Variants in GALNT10 observed in about 807,000 individuals in gnomAD.
GALNT10 encodes GalNAc transferase 10.
GALNT10 carries 41 observed loss-of-function variants against 75.0 expected under a neutral mutation model. That is an observed-to-expected ratio of 0.55 (90% confidence interval 0.43 to 0.71). The LOEUF (loss-of-function observed/expected upper bound fraction) is 0.71, where lower values mean the gene tolerates loss of function less well. Among genes scored for constraint, GALNT10 ranks in the 30% least tolerant of loss-of-function variants. GALNT10 has a pLI of 0.00. For missense variants in GALNT10, 727 were observed against 818.5 expected (o/e 0.89, Z 1.36); for synonymous variants, 302 against 313.0 (o/e 0.96, Z 0.37).
In GALNT10 at chr5:154,190,769, T is replaced by G. The variant is rs1035423800; in HGVS notation, c.-98T>G. The stretch of plus-strand genomic sequence containing the variant: ...GGGCCGGCGCCGCAGCCGCTTCTGC[T>G]GGCTGAGCTGCTGCCGCCGCCGGGC... On this transcript the variant is annotated 5_prime_UTR_variant, in exon 1 of 12. Coordinates refer to ENST00000297107, the MANE Select transcript of GALNT10 (RefSeq NM_198321.4). 4.5e-5 allele frequency: 21 copies of G among 462,862 alleles called. No homozygotes were observed. The highest frequency in any genetic ancestry group is 5.3e-5 in the Non-Finnish European group (19 of 356,108). The allele number at this position is 462,862 out of a possible 1,614,324, so 28.7% of individuals were successfully genotyped here.
At chr5:154,401,322 G>A (rs1473964196) in intron 7 of GALNT10, among the ~76,000 whole-genome samples, 5 of 152,180 alleles carry the variant, frequency 3.3e-5, no homozygotes, top group Admixed American at 6.5e-5. Context: ...TCAACTGCCC[G>A]GGAGACGTTC....
chr5:154,335,435 T>C (rs1161272978), intron 4 of GALNT10, among the ~76,000 whole-genome samples: 1 of 152,092 alleles, frequency 6.6e-6, no homozygotes, highest in African/African-American at 2.4e-5. Flanking sequence ...TGGAGAAAAT[T>C]CCAGCGAAAT....
At chr5:154,372,561 A>G (rs557385160) in intron 4 of GALNT10, among the ~76,000 whole-genome samples, 15 of 152,296 alleles carry the variant, frequency 9.8e-5, no homozygotes, top group Admixed American at 2.0e-4. Context: ...GAACAGAAAG[A>G]GGGGCCACCA....
chr5:154,200,183 A>G (rs1432701212), intron 1 of GALNT10, among the ~76,000 whole-genome samples: 1 of 152,124 alleles, frequency 6.6e-6, no homozygotes, highest in Non-Finnish European at 1.5e-5. Context: ...GGCTCCAGAA[A>G]GCTCTTTCAG....
intron 1 of GALNT10, among the ~76,000 whole-genome samples, chr5:154,228,132 C>T (rs997195182): frequency 6.6e-6 from 1 of 152,202 alleles, no homozygotes; most frequent in African/African-American, 2.4e-5. Context: ...AGAAGCCAAA[C>T]AGATGCTGGC....
In GALNT10 at chr5:154,397,774, G is replaced by T. The variant is rs372613767; in HGVS notation, c.1057-6330G>T. 1.6e-3 allele frequency among the ~76,000 whole-genome samples: 240 copies of T among 152,326 alleles called. 3 individuals carry two copies. The highest frequency in any genetic ancestry group is 5.5e-3 in the African/African-American group (228 of 41,578). ...CAGTCTTTTCCTTATCTCTGGGCAG[G>T]TCGGGTGCCGTGCCATTCCTGGCTA... On this transcript the variant is annotated intron_variant, in intron 7 of 11. Coordinates refer to ENST00000297107, the MANE Select transcript of GALNT10 (RefSeq NM_198321.4).
intron 3 of GALNT10, among the ~76,000 whole-genome samples, chr5:154,321,433 A>G (rs1581972506): frequency 6.6e-6 from 1 of 151,772 alleles, no homozygotes; most frequent in Non-Finnish European, 1.5e-5. Flanking sequence ...TCAGCCTCCC[A>G]AGTAGCTACA....
intron 3 of GALNT10, among the ~76,000 whole-genome samples, chr5:154,307,360 A>G (rs1202492927): frequency 6.6e-6 from 1 of 152,180 alleles, no homozygotes; most frequent in Non-Finnish European, 1.5e-5. Flanking sequence ...CTGTAATCCC[A>G]GCTTTGTAAT....
intron 5 of GALNT10, among the ~76,000 whole-genome samples, chr5:154,379,867 C>T (rs751223040): frequency 2.6e-5 from 4 of 152,130 alleles, no homozygotes; most frequent in Non-Finnish European, 4.4e-5. Context: ...TCCATAGTTC[C>T]GATGATTGAA....
chr5:154,405,876 GTT>G (rs201645212), intron 8 of GALNT10, among the ~76,000 whole-genome samples: 2,313 of 146,794 alleles, frequency 0.016, 24 homozygotes, highest in Middle Eastern at 0.038. Flanking sequence ...TGTTGCTGTT[GTT>G]TTTTTTTTTA....
At position 154,337,411 on chromosome 5, in the gene GALNT10, T is replaced by C. The variant is rs114118136; in HGVS notation, c.568+7673T>C. 2,704 of 611,666 alleles carry C rather than the reference T, an allele frequency of 4.4e-3. 53 individuals carry two copies. The highest frequency in any genetic ancestry group is 0.043 in the African/African-American group (2,390 of 55,024). 37.9% of individuals were successfully genotyped at this position (611,666 alleles called of 1,614,324 possible). A position where few individuals can be genotyped will look rare whatever the true frequency, so the allele number is the denominator to read the frequency against. On this transcript the variant is annotated intron_variant, in intron 4 of 11. Coordinates refer to ENST00000297107, the MANE Select transcript of GALNT10 (RefSeq NM_198321.4). ...CACAAATCTGATATAACCTGTAGCT[T>C]CCCCGTCACTTCTCTGGCTATCCTC...
chr5:154,324,842 A>G (rs561256714), intron 3 of GALNT10, among the ~76,000 whole-genome samples: 3 of 152,308 alleles, frequency 2.0e-5, no homozygotes, highest in Admixed American at 2.0e-4. Context: ...AAGCTAAATC[A>G]TAGAGTTTAT....
intron 1 of GALNT10, among the ~76,000 whole-genome samples, chr5:154,194,016 A>G (rs940954361): frequency 5.9e-5 from 9 of 152,238 alleles, no homozygotes; most frequent in Admixed American, 1.3e-4. Context: ...CTCTCATTCC[A>G]AGCCCCAATC....
intron 1 of GALNT10, among the ~76,000 whole-genome samples, chr5:154,199,030 G>A (rs1774986283): frequency 6.6e-6 from 1 of 152,200 alleles, no homozygotes; most frequent in South Asian, 2.1e-4. Context: ...CTCTCTCTTG[G>A]TCACTCTTGT....
intron 4 of GALNT10, among the ~76,000 whole-genome samples, chr5:154,354,626 C>A (rs1459623223): frequency 6.6e-6 from 1 of 152,214 alleles, no homozygotes; most frequent in Non-Finnish European, 1.5e-5. Context: ...TGTGATGTTT[C>A]ATCTGAGTCT....
intron 4 of GALNT10, among the ~76,000 whole-genome samples, chr5:154,334,670 G>A (rs1410338656): frequency 6.6e-6 from 1 of 152,226 alleles, no homozygotes; most frequent in Admixed American, 6.5e-5. Context: ...AAAGTGACAG[G>A]CTATGGTATG....
intron 3 of GALNT10, among the ~76,000 whole-genome samples, chr5:154,324,180 G>C (rs1413624711): frequency 6.6e-6 from 1 of 152,208 alleles, no homozygotes; most frequent in African/African-American, 2.4e-5. Flanking sequence ...TGCCTTCCAT[G>C]TGGGGTTCTG....
At chr5:154,250,058 T>C (rs959613220) in intron 1 of GALNT10, among the ~76,000 whole-genome samples, 3 of 152,188 alleles carry the variant, frequency 2.0e-5, no homozygotes, top group African/African-American at 7.2e-5. Flanking sequence ...CTGTTCAATT[T>C]TATTTCCTTT....
At chr5:154,290,118 G>T (rs186130884) in intron 1 of GALNT10, among the ~76,000 whole-genome samples, 91 of 148,664 alleles carry the variant, frequency 6.1e-4, no homozygotes, top group African/African-American at 1.9e-3. Context: ...TTGAGACGGA[G>T]TCTCACTCTG....
Sources: gnomAD v4.1 joint callset for allele counts (sites outside exome capture counted in the v4.1 genomes callset) on GRCh38, gnomAD v4.1.1 for gene constraint, MANE v1.5 for transcripts, NCBI Gene and HGNC (gene_info 2026-07-23, HGNC 2026-07-21) for gene names.